Variants in FGF17 observed in about 807,000 individuals in gnomAD.
FGF17 encodes fibroblast growth factor 17.
FGF17 carries 5 observed loss-of-function variants against 23.5 expected under a neutral mutation model. The observed-to-expected ratio is 0.21, with a 90% CI of 0.11 to 0.45. The LOEUF (loss-of-function observed/expected upper bound fraction) is 0.45, where lower values mean the gene tolerates loss of function less well. FGF17 is among the 20% of genes least tolerant of loss of function. The probability of loss-of-function intolerance (pLI) is 0.99; values close to 1 mark genes in which losing one functional copy is unlikely to be tolerated. For synonymous variants in FGF17, 136 were observed against 123.0 expected (o/e 1.11, Z -0.70); for missense variants, 221 against 306.9 (o/e 0.72, Z 2.09).
intron 2 of FGF17, among the ~76,000 whole-genome samples, chr8:22,043,490 G>A (rs578227138): frequency 6.6e-6 from 1 of 152,352 alleles, no homozygotes; most frequent in African/African-American, 2.4e-5. Context: ...TTGGAAGCAG[G>A]TGGAGGTGAT....
chr8:22,046,659 CAG>C, intron 4 of FGF17, 26 bp downstream of exon 4: 1 of 1,517,650 alleles, frequency 6.6e-7, no homozygotes, highest in South Asian at 1.1e-5. Context: ...TGGGAAGTAA[CAG>C]AGAATCAGCC....
chr8:22,043,487 C>T (rs1800780658), intron 2 of FGF17, among the ~76,000 whole-genome samples: 1 of 152,190 alleles, frequency 6.6e-6, no homozygotes, highest in African/African-American at 2.4e-5. Flanking sequence ...CGGTTGGAAG[C>T]AGGTGGAGGT....
rs756839370 is a variant in FGF17 at position 22,048,166 on chromosome 8, G to GAGA, written c.571_573dup (p.Lys191dup). 10 of 1,613,146 alleles carry GAGA rather than the reference G, an allele frequency of 6.2e-6. No individual in the cohort carries two copies. Among genetic ancestry groups the GAGA allele is most frequent in the African/African-American group, 1.3e-5 (1 of 75,046 alleles). On this transcript the variant is annotated inframe_insertion, in exon 5 of 5. Transcript: ENST00000359441. The surrounding 1 kb of genome is among the most constrained non-coding windows in gnomAD (Gnocchi z 6.9). ...CCAGCTGCCCTTCCCCAACCACGCCGAGAAGCAGAAGCAGTTCGAGTTTGT... is the reference window on the plus strand; with the variant it reads ...CCAGCTGCCCTTCCCCAACCACGCCGAGAAGAAGCAGAAGCAGTTCGAGTTTGT...
chr8:22,041,337 A>G (rs1800734152), upstream of FGF17, among the ~76,000 whole-genome samples: 1 of 152,106 alleles, frequency 6.6e-6, no homozygotes, highest in Non-Finnish European at 1.5e-5. Flanking sequence ...GGAGCTCAGG[A>G]AGGTGAGAAG....
chr8:22,043,079 G>C, intron 1 of FGF17, 66 bp from the exon 2 acceptor site: 1 of 1,604,242 alleles, frequency 6.2e-7, no homozygotes, highest in Non-Finnish European at 8.5e-7. Context: ...CGGGGGCGGG[G>C]GCCTGGGTGC....
At chr8:22,045,869 C>G in intron 2 of FGF17, 2 of 1,408,856 alleles carry the variant, frequency 1.4e-6, no homozygotes, top group Non-Finnish European at 1.9e-6. Context: ...GGGCTGTGCT[C>G]TGTCAATAAG....
intron 2 of FGF17, among the ~76,000 whole-genome samples, chr8:22,043,480 T>C (rs1273054079): frequency 6.6e-6 from 1 of 152,094 alleles, no homozygotes; most frequent in Non-Finnish European, 1.5e-5. Flanking sequence ...CCTGGAGCGG[T>C]TGGAAGCAGG....
At chr8:22,045,812 G>A in intron 2 of FGF17, 1 of 1,317,320 alleles carries the variant, frequency 7.6e-7, no homozygotes, top group South Asian at 1.5e-5. Flanking sequence ...TACGAGGACG[G>A]GATAGAACCC....
At position 22,046,227 on chromosome 8, in the gene FGF17, T is replaced by A; in HGVS notation, c.186T>A (p.Ser62Arg). Residue 62 changes from serine to arginine, a missense_variant, in exon 3 of 5, where the codon AGT becomes AGA. Transcript: ENST00000359441. ...IREYQLYSRT[S>R]GKHVQVTGRR... is the part of the protein sequence containing the mutation. ...AGTACCAACTCTACAGCAGGACCAGTGGCAAGCACGTGCAGGTCACCGGGC... is the reference window on the plus strand; with the variant it reads ...AGTACCAACTCTACAGCAGGACCAGAGGCAAGCACGTGCAGGTCACCGGGC... 1 of 1,614,014 alleles carries A rather than the reference T, an allele frequency of 6.2e-7. No individual in the cohort carries two copies. Among genetic ancestry groups the A allele is most frequent in the East Asian group, 2.2e-5 (1 of 44,888 alleles).
Position 22,047,997 on chromosome 8 carries a change from G to C in FGF17, c.399G>C (p.Val133=). 2 of 1,609,700 alleles carry C rather than the reference G, an allele frequency of 1.2e-6. No homozygotes were observed. The highest frequency in any genetic ancestry group is 1.7e-6 in the Non-Finnish European group (2 of 1,176,546). The change falls in exon 5 of 5, where the codon GTG becomes GTC. Residue 133 remains valine (V), a synonymous_variant. Transcript: ENST00000359441. ...AAGACTGCGTGTTCACGGAGATCGT[G>C]CTGGAGAACAACTATACGGCCTTCC... The part of the protein sequence containing the change: ...KSKDCVFTEI[V]LENNYTAFQN...
At chr8:22,046,950 A>ATTTTTTTTTTT (rs3038873) in intron 4 of FGF17, among the ~76,000 whole-genome samples, 1,727 of 120,306 alleles carry the variant, frequency 0.014, 14 homozygotes, top group Non-Finnish European at 0.018. Context: ...TGCCCAGCTA[A>ATTTTTTTTTTT]TTTTTTTTTT....
rs1800867165 is a variant in FGF17 at position 22,046,355 on chromosome 8, C to G, written c.250+64C>G. The G allele has an allele frequency of 2.6e-6, 4 of 1,564,140 alleles. No individual in the cohort carries two copies. In the Middle Eastern group the frequency reaches 7.1e-4, roughly 276 times the overall value. On this transcript the variant is annotated intron_variant, in intron 3 of 4. Transcript: ENST00000359441. ...ACTCTGCCTCACTTCCACCCTGCCT[C>G]ACCTCCTGGTCCATCCCCAGATCCT...
intron 4 of FGF17, 69 bp from the exon 5 acceptor site, chr8:22,047,887 G>T (rs1469374496): frequency 6.7e-7 from 1 of 1,492,356 alleles, no homozygotes. Flanking sequence ...TCCAAAATAG[G>T]CCGTAAGGGC....
intron 2 of FGF17, chr8:22,044,793 G>A (rs1333723527): frequency 1.0e-6 from 1 of 985,494 alleles, no homozygotes; most frequent in East Asian, 1.1e-4. Flanking sequence ...TAAATGTCCA[G>A]CTCTGAGAGC....
At chr8:22,045,589 G>T (rs1273950661) in intron 2 of FGF17, 1 of 1,005,540 alleles carries the variant, frequency 9.9e-7, no homozygotes, top group Non-Finnish European at 1.2e-6. Context: ...GCTCTCTGGT[G>T]ACCCTAACTC....
At chr8:22,042,788 C>A, upstream of FGF17, 1 of 745,872 alleles carries the variant, frequency 1.3e-6, no homozygotes, top group South Asian at 1.6e-5. Context: ...CTCCTCCTCC[C>A]CTTTCTCTCC....
Position 22,044,063 on chromosome 8 carries a change from G to A in FGF17, c.72+882G>A, listed in dbSNP as rs1186117916. Among the ~76,000 whole-genome samples, 7 of 151,276 alleles carry A rather than the reference G, an allele frequency of 4.6e-5. No individual in the cohort carries two copies. In the South Asian group the frequency reaches 8.4e-4, roughly 18 times the overall value. On this transcript the variant is annotated intron_variant, in intron 2 of 4. Coordinates refer to ENST00000359441, the MANE Select transcript of FGF17 (RefSeq NM_003867.4). ...TCCTTCCCCCTTTTGCTCCAGCCCC[G>A]TTCCAGGCCTTTTGCTTCACACATC...
intron 2 of FGF17, among the ~76,000 whole-genome samples, chr8:22,043,850 A>G (rs924988559): frequency 6.6e-6 from 1 of 151,134 alleles, no homozygotes; most frequent in Non-Finnish European, 1.5e-5. Flanking sequence ...AAGTGCAGCT[A>G]TTAAAATGCA....
In FGF17 at chr8:22,046,269, C is replaced by T. The variant is rs202190340; in HGVS notation, c.228C>T (p.Thr76=). 14 of 1,613,512 alleles carry T rather than the reference C, an allele frequency of 8.7e-6. No individual in the cohort carries two copies. Among genetic ancestry groups the T allele is most frequent in the Non-Finnish European group, 1.1e-5 (13 of 1,179,886 alleles). The change falls in exon 3 of 5, where the codon ACC becomes ACT. Residue 76 remains threonine, a synonymous_variant. Coordinates refer to ENST00000359441, the MANE Select transcript of FGF17 (RefSeq NM_003867.4). The part of the protein sequence containing the change: ...VQVTGRRISA[T]AEDGNKFAKL... The stretch of plus-strand genomic sequence containing the variant: ...TCACCGGGCGTCGCATCTCCGCCAC[C>T]GCCGAGGACGGCAACAAGTTTGGTG...
Sources: allele counts gnomAD v4.1 joint callset (sites outside exome capture counted in the v4.1 genomes callset), GRCh38; gene constraint gnomAD v4.1.1; non-coding constraint Gnocchi (gnomAD v3.1); transcripts MANE v1.5; gene names NCBI Gene and HGNC (gene_info 2026-07-23, HGNC 2026-07-21).